Variants in MPV17 observed in about 807,000 individuals in gnomAD.
The protein encoded by MPV17 is mitochondrial inner membrane protein MPV17.
MPV17 carries 31 observed loss-of-function variants against 28.6 expected under a neutral mutation model. The observed-to-expected ratio is 1.08, with a 90% CI of 0.81 to 1.46. MPV17 has a LOEUF of 1.46. Among genes scored for constraint, MPV17 ranks in the 40% most tolerant of loss-of-function variants. The probability of loss-of-function intolerance (pLI) is 0.00; values close to 1 mark genes in which losing one functional copy is unlikely to be tolerated. For synonymous variants in MPV17, 87 were observed against 85.3 expected, an observed-to-expected ratio of 1.02 and a Z score of -0.11; for missense variants, 198 against 216.2, an observed-to-expected ratio of 0.92 and a Z score of 0.53.
At chr2:27,319,165 C>T (rs1679764628) in intron 2 of MPV17, among the ~76,000 whole-genome samples, 1 of 151,980 alleles carries the variant, frequency 6.6e-6, no homozygotes, top group African/African-American at 2.4e-5. Flanking sequence ...GAGTGGCTCT[C>T]CCTCTTTCCC....
intron 2 of MPV17, among the ~76,000 whole-genome samples, chr2:27,320,949 C>A (rs1679834603): frequency 6.6e-6 from 1 of 152,190 alleles, no homozygotes; most frequent in Non-Finnish European, 1.5e-5. Context: ...TGGGAGGCTA[C>A]ATTTTGCTTC....
intron 2 of MPV17, chr2:27,316,218 A>G (rs1679645363): frequency 1.3e-6 from 2 of 1,550,342 alleles, no homozygotes; most frequent in African/African-American, 1.4e-5. Context: ...GTGTGTTTTC[A>G]CTCTTCATGA....
chr2:27,322,308 G>A (rs1210893951), intron 2 of MPV17, 140 bp downstream of exon 2: 1 of 806,984 alleles, frequency 1.2e-6, no homozygotes. Context: ...AAACAGACTG[G>A]GGACAGTGTA....
chr2:27,321,221 C>T (rs1349796621), intron 2 of MPV17, among the ~76,000 whole-genome samples: 1 of 152,220 alleles, frequency 6.6e-6, no homozygotes, highest in Admixed American at 6.5e-5. Context: ...GGGCAAAGGG[C>T]CCAGCGTGTC....
chr2:27,315,933 C>T, intron 2 of MPV17: 1 of 1,450,256 alleles, frequency 6.9e-7, no homozygotes, highest in Non-Finnish European at 9.0e-7. Flanking sequence ...GAACTGAACC[C>T]AGGCCTTCTC....
In MPV17 at chr2:27,317,031, T is replaced by C. The variant is rs756052869; in HGVS notation, c.71-3922A>G. 3.6e-5 allele frequency: 54 copies of C among 1,495,732 alleles called. No homozygotes were observed. The highest frequency in any genetic ancestry group is 1.7e-4 in the Admixed American group (8 of 47,368). The allele number at this position is 1,495,732 out of a possible 1,614,324, so 92.7% of individuals were successfully genotyped here. ...AACTTCCACACCCTCTTCCCGGGCA[T>C]GGGCAGGGTAAATTCCCTACTTCTC... On this transcript the variant is annotated intron_variant, in intron 2 of 7. Transcript: ENST00000380044. This position sits in a 1 kb window ranked among gnomAD's most constrained non-coding sequence, Gnocchi z 4.0.
intron 2 of MPV17, among the ~76,000 whole-genome samples, chr2:27,321,209 C>G (rs1679847174): frequency 6.6e-6 from 1 of 152,234 alleles, no homozygotes; most frequent in Non-Finnish European, 1.5e-5. Flanking sequence ...GAATCTGAGC[C>G]TGGGCAAAGG....
rs551316887 is a variant in MPV17, at chr2:27,321,316, A to G, written c.70+1132T>C. On this transcript the variant is annotated intron_variant, in intron 2 of 7. Transcript: ENST00000380044. The stretch of plus-strand genomic sequence containing the variant: ...ATACAGGCTGACGGACGCTGAGGAC[A>G]GGACAAGAGGTGGTTGGGCACCGGA... Among the ~76,000 whole-genome samples, 12 of 152,346 alleles carry G rather than the reference A, an allele frequency of 7.9e-5. No individual in the cohort carries two copies. In the East Asian group the frequency reaches 2.3e-3, roughly 29 times the overall value.
chr2:27,317,144 G>A lies in MPV17; in HGVS notation c.71-4035C>T. On this transcript the variant is annotated intron_variant, in intron 2 of 7. Coordinates refer to ENST00000380044, the MANE Select transcript of MPV17 (RefSeq NM_002437.5). The surrounding 1 kb of genome is among the most constrained non-coding windows in gnomAD (Gnocchi z 4.0). ...AAGAAGTGGCTTCTTGGAGTGAGGA[G>A]CAGGAAGCGTGTCCTTCAGTCCAGG... 2 of 1,550,316 alleles carry A rather than the reference G, an allele frequency of 1.3e-6. No homozygotes were observed. The highest frequency in any genetic ancestry group is 2.4e-5 in the South Asian group (2 of 84,032).
At chr2:27,313,270 C>G in intron 2 of MPV17, 161 bp from the exon 3 acceptor site, 6 of 1,478,660 alleles carry the variant, frequency 4.1e-6, no homozygotes, top group Non-Finnish European at 5.5e-6. Flanking sequence ...GCCTCAAAGC[C>G]CTCACCTCCC....
In MPV17 at chr2:27,322,450, G is replaced by A; in HGVS notation, c.68C>T (p.Ala23Val). The change falls in exon 2 of 8, where the codon GCT becomes GTT. Residue 23 changes from alanine (A) to valine (V), a missense_variant and splice_region_variant. By Grantham distance (64) the Ala-to-Val change is moderately conservative (BLOSUM62 0). Coordinates refer to ENST00000380044, the MANE Select transcript of MPV17 (RefSeq NM_002437.5). The stretch of plus-strand genomic sequence containing the variant: ...TCAAGTCCTAGAGGGACACTCACCA[G>A]CTGTCAGGACCTGTACTTTCCACGG... ...AHPWKVQVLT[A>V]GSLMGLGDII... 1 of 1,613,832 alleles carries A rather than the reference G, an allele frequency of 6.2e-7. No individual in the cohort carries two copies. Among genetic ancestry groups the A allele is most frequent in the Non-Finnish European group, 8.5e-7 (1 of 1,179,758 alleles).
At position 27,309,523 on chromosome 2, in the gene MPV17, T is replaced by C. The variant is rs1276782372; in HGVS notation, c.*389A>G. Reference sequence around the variant, plus strand: ...ATTACATATTTAATAACATATTTACTGAGGCACCATATAAAGGGTTCCGGG... The same window carrying C: ...ATTACATATTTAATAACATATTTACCGAGGCACCATATAAAGGGTTCCGGG... On this transcript the variant is annotated 3_prime_UTR_variant, in exon 8 of 8. Coordinates refer to ENST00000380044, the MANE Select transcript of MPV17 (RefSeq NM_002437.5). 2.3e-5 allele frequency: 9 copies of C among 383,158 alleles called. No homozygotes were observed. In the East Asian group the frequency reaches 3.4e-4, roughly 15 times the overall value. The allele number at this position is 383,158 out of a possible 1,614,324, so 23.7% of individuals were successfully genotyped here.
In MPV17 at chr2:27,317,503, GTGCCCTAGGTT is replaced by G. The variant is rs1679699170; in HGVS notation, c.71-4405_71-4395del. Among the ~76,000 whole-genome samples the G allele has an allele frequency of 6.6e-6, 1 of 152,240 alleles. No homozygotes were observed. On this transcript the variant is annotated intron_variant, in intron 2 of 7. Coordinates refer to ENST00000380044, the MANE Select transcript of MPV17 (RefSeq NM_002437.5). This position sits in a 1 kb window ranked among gnomAD's most constrained non-coding sequence, Gnocchi z 4.0. ...CAAGTGCAAGGCAGTATGGTGGGCA[GTGCCCTAGGTT>G]ATAACGCCAGCTCAGCCACTGACTA... is the stretch of plus-strand genomic sequence containing the variant.
Position 27,309,865 on chromosome 2 carries a change from GGT to G in MPV17, c.*45_*46del. The G allele has an allele frequency of 6.5e-7, 1 of 1,532,988 alleles. No homozygotes were observed. The highest frequency in any genetic ancestry group is 1.1e-5 in the South Asian group (1 of 89,090). 95.0% of individuals were successfully genotyped at this position (1,532,988 alleles called of 1,614,324 possible). A position where few individuals can be genotyped will look rare whatever the true frequency, so the allele number is the denominator to read the frequency against. ...TGAGGAGGTTGTCTGACCGTTCCAG[GGT>G]CAAGCTGCATCACTGCAAGGTGGAA... is the stretch of plus-strand genomic sequence containing the variant. On this transcript the variant is annotated 3_prime_UTR_variant, in exon 8 of 8. Transcript: ENST00000380044.
rs920351376 is a variant in MPV17, at chr2:27,319,988, A to C, written c.70+2460T>G. Among the ~76,000 whole-genome samples the C allele has an allele frequency of 4.0e-5, 6 of 151,474 alleles. No homozygotes were observed. The East Asian group carries it at 1.2e-3, about 30-fold the overall frequency. On this transcript the variant is annotated intron_variant, in intron 2 of 7. Transcript: ENST00000380044. ...CTCAGTGGCTCACACCTGTAACCCCAGCACTTTAGGAGGCCGAGGCGGGTG... is the reference window on the plus strand; with the variant it reads ...CTCAGTGGCTCACACCTGTAACCCCCGCACTTTAGGAGGCCGAGGCGGGTG...
At chr2:27,322,914 G>C in intron 1 of MPV17, 138 bp downstream of exon 1, 1 of 317,990 alleles carries the variant, frequency 3.1e-6, no homozygotes, top group South Asian at 3.1e-5. Context: ...GTTGGAACCA[G>C]TTTGTAACCT....
chr2:27,309,911 C>G lies in MPV17; in HGVS notation c.*1G>C. On this transcript the variant is annotated 3_prime_UTR_variant, in exon 8 of 8. Transcript: ENST00000380044. ...GGTGGAAACGATGGAGTGAGGCAGG[C>G]TTAGAGCCGATGTGCCTTCCAGGAC... is the stretch of plus-strand genomic sequence containing the variant. The G allele has an allele frequency of 1.2e-6, 2 of 1,613,486 alleles. No individual in the cohort carries two copies. Among genetic ancestry groups the G allele is most frequent in the Non-Finnish European group, 1.7e-6 (2 of 1,179,484 alleles).
chr2:27,319,517 A>T (rs921338222), intron 2 of MPV17, among the ~76,000 whole-genome samples: 6 of 144,834 alleles, frequency 4.1e-5, no homozygotes, highest in Admixed American at 3.4e-4. Context: ...CCTGGGCAAA[A>T]GAGCAAGACC....
At chr2:27,313,770 T>C (rs1679547760) in intron 2 of MPV17, among the ~76,000 whole-genome samples, 1 of 152,132 alleles carries the variant, frequency 6.6e-6, no homozygotes, top group Non-Finnish European at 1.5e-5. Context: ...TAGAGTGCAG[T>C]GGCATGATCT....
Sources: gnomAD v4.1 joint callset for allele counts (sites outside exome capture counted in the v4.1 genomes callset) on GRCh38, gnomAD v4.1.1 for gene constraint, Gnocchi (gnomAD v3.1) non-coding constraint, MANE v1.5 for transcripts, NCBI Gene and HGNC (gene_info 2026-07-23, HGNC 2026-07-21) for gene names.